Variants in SEMA6D observed in about 807,000 individuals in gnomAD.
The protein encoded by SEMA6D is semaphorin-6D.
Under a neutral mutation model 106.6 loss-of-function variants are expected in SEMA6D, and 35 were observed. The ratio of observed to expected loss-of-function variants is 0.33; its 90% CI spans 0.25 to 0.44. The LOEUF is 0.44. SEMA6D is among the 20% of genes least tolerant of loss of function. The pLI is 1.00. For synonymous variants in SEMA6D, 499 were observed against 487.7 expected (o/e 1.02, Z -0.31); for missense variants, 1,185 against 1,345.9 (o/e 0.88, Z 1.87).
intron 1 of SEMA6D, among the ~76,000 whole-genome samples, chr15:47,242,729 ATAT>A (rs1466166204): frequency 2.0e-5 from 3 of 152,178 alleles, no homozygotes; most frequent in African/African-American, 4.8e-5. Context: ...TTTTTAAATA[ATAT>A]TATTTCCGAT....
chr15:47,272,848 A>G (rs1347127194), intron 1 of SEMA6D: 3 of 152,358 alleles, frequency 2.0e-5, no homozygotes, highest in African/African-American at 7.2e-5. Flanking sequence ...TTTACCAGGC[A>G]GACCTTAAAT....
intron 1 of SEMA6D, among the ~76,000 whole-genome samples, chr15:47,191,201 G>C (rs141822870): frequency 4.8e-4 from 71 of 149,434 alleles, no homozygotes; most frequent in Non-Finnish European, 8.8e-4. Context: ...ATATATACTT[G>C]ATATTCTTTT....
chr15:47,474,899 G>A (rs1314022268), intron 3 of SEMA6D, among the ~76,000 whole-genome samples: 3 of 152,158 alleles, frequency 2.0e-5, no homozygotes, highest in Non-Finnish European at 4.4e-5. Flanking sequence ...ATGGTACGAT[G>A]TTGCGGCACG....
At chr15:47,466,518 A>G (rs1480578500) in intron 2 of SEMA6D, among the ~76,000 whole-genome samples, 2 of 152,214 alleles carry the variant, frequency 1.3e-5, no homozygotes, top group South Asian at 2.1e-4. Context: ...AATATATTCC[A>G]TTGTAAATAT....
chr15:47,565,140 G>A (rs2046192256), intron 3 of SEMA6D, among the ~76,000 whole-genome samples: 2 of 152,206 alleles, frequency 1.3e-5, no homozygotes, highest in Non-Finnish European at 2.9e-5. Flanking sequence ...GCTGCTAACA[G>A]TTAACCTTTC....
chr15:47,526,523 A>C (rs931892553), intron 3 of SEMA6D, among the ~76,000 whole-genome samples: 16 of 152,236 alleles, frequency 1.1e-4, no homozygotes, highest in Admixed American at 3.9e-4. Flanking sequence ...CAAAGCAGCT[A>C]GCCAGTATTG....
At chr15:47,232,169 C>T (rs1044277106) in intron 1 of SEMA6D, among the ~76,000 whole-genome samples, 1 of 151,936 alleles carries the variant, frequency 6.6e-6, no homozygotes, top group Non-Finnish European at 1.5e-5. Context: ...TTCCATGTTG[C>T]AGTATGATCA....
chr15:47,711,097 C>G (rs1437770471), intron 4 of SEMA6D, among the ~76,000 whole-genome samples: 3 of 151,770 alleles, frequency 2.0e-5, no homozygotes, highest in African/African-American at 7.3e-5. Context: ...ATCACGAGGT[C>G]AGGAGATCGA....
intron 4 of SEMA6D, among the ~76,000 whole-genome samples, chr15:47,712,433 C>G (rs2085685635): frequency 6.6e-6 from 1 of 152,110 alleles, no homozygotes; most frequent in South Asian, 2.1e-4. Context: ...GTTATTTTAA[C>G]CAAGCCTAGG....
intron 2 of SEMA6D, among the ~76,000 whole-genome samples, chr15:47,459,716 T>G (rs2042444813): frequency 6.6e-6 from 1 of 152,074 alleles, no homozygotes; most frequent in Admixed American, 6.6e-5. Flanking sequence ...CTCCCCTCTT[T>G]CCCCTGCAGC....
chr15:47,498,073 G>T (rs2043728429), intron 3 of SEMA6D, among the ~76,000 whole-genome samples: 1 of 152,062 alleles, frequency 6.6e-6, no homozygotes, highest in South Asian at 2.1e-4. Flanking sequence ...ATTCCCTGCT[G>T]CTTTTAAAAC....
At chr15:47,429,280 A>G (rs923111466) in intron 2 of SEMA6D, among the ~76,000 whole-genome samples, 2 of 152,032 alleles carry the variant, frequency 1.3e-5, no homozygotes, top group Non-Finnish European at 1.5e-5. Flanking sequence ...AGTTGCTTAA[A>G]TTTTCCGAGT....
intron 1 of SEMA6D, among the ~76,000 whole-genome samples, chr15:47,380,841 T>A (rs924099272): frequency 1.3e-5 from 2 of 152,192 alleles, no homozygotes; most frequent in East Asian, 3.8e-4. Context: ...AATAAAATGA[T>A]GAAGGCAGGC....
intron 1 of SEMA6D, among the ~76,000 whole-genome samples, chr15:47,232,799 G>C (rs1283045734): frequency 6.6e-6 from 1 of 151,758 alleles, no homozygotes; most frequent in Non-Finnish European, 1.5e-5. Context: ...TTATTGTTGA[G>C]CTGTAAGGGC....
At chr15:47,523,967 A>G (rs2044670168) in intron 3 of SEMA6D, among the ~76,000 whole-genome samples, 1 of 152,196 alleles carries the variant, frequency 6.6e-6, no homozygotes, top group Admixed American at 6.5e-5. Context: ...CATTTGGCCT[A>G]TAAGCATGTT....
At position 47,771,340 on chromosome 15, in the gene SEMA6D, A is replaced by T. The variant is rs1436069644; in HGVS notation, c.2777A>T (p.Glu926Val). Residue 926 changes from glutamate (E) to valine (V), a missense_variant, in exon 19 of 19, where the codon GAG becomes GTG. By Grantham distance (121) the Glu-to-Val change is moderately radical. Around this residue, in one of 3 missense-constraint regions of SEMA6D, gnomAD observed 750 missense variants for 783.5 expected, o/e 0.96. Transcript: ENST00000536845. ...SEVPPKVPNR[E>V]ASLYSPPSTL... ...GTCCCACCTAAAGTCCCTAACCGGG[A>T]GGCATCGCTATACTCCCCTCCTTCA... 6.2e-7 allele frequency: 1 copy of T among 1,613,974 alleles called. No homozygotes were observed. Among genetic ancestry groups the T allele is most frequent in the East Asian group, 2.2e-5 (1 of 44,850 alleles).
At position 47,325,721 on chromosome 15, in the gene SEMA6D, A is replaced by G. The variant is rs535818844; in HGVS notation, c.-238-86672A>G. The stretch of plus-strand genomic sequence containing the variant: ...TAAATGCTCAGTCTCTCCATTTACC[A>G]TACTGTTTTCCTCCTTGCATATCCT... On this transcript the variant is annotated intron_variant, in intron 1 of 19. Coordinates refer to the SEMA6D transcript ENST00000558014. Among the ~76,000 whole-genome samples, 13 of 152,218 alleles carry G rather than the reference A, an allele frequency of 8.5e-5. No individual in the cohort carries two copies. In the South Asian group the frequency reaches 1.9e-3, roughly 22 times the overall value.
At chr15:47,677,921 A>G (rs936668603) in intron 4 of SEMA6D, among the ~76,000 whole-genome samples, 2 of 152,212 alleles carry the variant, frequency 1.3e-5, no homozygotes, top group Non-Finnish European at 2.9e-5. Flanking sequence ...TGAAAGTTGT[A>G]GAGCAGCAAA....
intron 1 of SEMA6D, among the ~76,000 whole-genome samples, chr15:47,321,919 T>C (rs1470426441): frequency 6.6e-6 from 1 of 152,056 alleles, no homozygotes; most frequent in Non-Finnish European, 1.5e-5. Context: ...TTAAAAACAG[T>C]GGGGGGCACT....
Sources: gnomAD v4.1 joint callset for allele counts (sites outside exome capture counted in the v4.1 genomes callset) on GRCh38, gnomAD v4.1.1 for gene constraint, gnomAD v4.1.1 regional missense constraint, MANE v1.5 for transcripts, NCBI Gene and HGNC (gene_info 2026-07-23, HGNC 2026-07-21) for gene names.